ARFGEF1: variants seen among roughly 807,000 people sequenced by gnomAD.
The protein encoded by ARFGEF1 is brefeldin A-inhibited guanine nucleotide-exchange protein 1.
In ARFGEF1, 42 loss-of-function variants were observed where a neutral mutation model predicts 231.0. The observed-to-expected ratio is 0.18, with a 90% confidence interval of 0.14 to 0.24. The LOEUF (loss-of-function observed/expected upper bound fraction) is 0.24, where lower values mean the gene tolerates loss of function less well. Ranked by LOEUF, ARFGEF1 falls within the 10% of genes least tolerant of loss-of-function variation. ARFGEF1 has a pLI of 1.00. For synonymous variants in ARFGEF1, 710 were observed against 732.3 expected (o/e 0.97, Z 0.49); for missense variants, 1,345 against 2,192.0 (o/e 0.61, Z 7.72).
At chr8:67,174,908 A>G, downstream of ARFGEF1, 1 of 167,446 alleles carries the variant, frequency 6.0e-6, no homozygotes, top group Non-Finnish European at 1.3e-5. Context: ...TATATTTTAG[A>G]GATCAGCCGT....
At chr8:67,262,872 A>C (rs1159056298) in intron 14 of ARFGEF1, among the ~76,000 whole-genome samples, 1 of 152,246 alleles carries the variant, frequency 6.6e-6, no homozygotes, top group Non-Finnish European at 1.5e-5. Flanking sequence ...GGTACAGTAT[A>C]AACATAACTT....
At chr8:67,200,211 G>C in intron 38 of ARFGEF1, 185 bp downstream of exon 38, 1 of 656,946 alleles carries the variant, frequency 1.5e-6, no homozygotes. Context: ...AGCTGGGTAA[G>C]GGGGGAGAAA....
intron 19 of ARFGEF1, among the ~76,000 whole-genome samples, chr8:67,249,129 T>A (rs1840194477): frequency 6.7e-6 from 1 of 150,356 alleles, no homozygotes; most frequent in African/African-American, 2.5e-5. Context: ...TAGTTCCTTA[T>A]CTCGTACATG....
At chr8:67,311,798 C>G (rs368852410) in intron 1 of ARFGEF1, among the ~76,000 whole-genome samples, 153 of 152,138 alleles carry the variant, frequency 1.0e-3, no homozygotes, top group Middle Eastern at 6.8e-3. Flanking sequence ...AATAGAAAGG[C>G]GGGAAAGGTG....
intron 28 of ARFGEF1, among the ~76,000 whole-genome samples, chr8:67,225,783 C>T (rs186503959): frequency 6.6e-6 from 1 of 152,146 alleles, no homozygotes; most frequent in African/African-American, 2.4e-5. Flanking sequence ...CCCCATAAAG[C>T]CATTAGAAGA....
At chr8:67,305,521 A>G (rs1472880626) in intron 1 of ARFGEF1, among the ~76,000 whole-genome samples, 2 of 152,024 alleles carry the variant, frequency 1.3e-5, no homozygotes, top group Non-Finnish European at 2.9e-5. Flanking sequence ...TTAATTTTGT[A>G]TTTTTAGTAG....
intron 5 of ARFGEF1, among the ~76,000 whole-genome samples, chr8:67,179,280 A>C (rs146252670): frequency 2.0e-5 from 3 of 152,134 alleles, no homozygotes; most frequent in Non-Finnish European, 4.4e-5. Context: ...ATGCTCCACT[A>C]TATCTGTGCT....
downstream of ARFGEF1, chr8:67,195,276 G>C (rs1837679140): frequency 9.0e-6 from 7 of 774,968 alleles, no homozygotes; most frequent in Non-Finnish European, 1.4e-5. Context: ...ATATGAGACT[G>C]TGGGGAAATG....
intron 29 of ARFGEF1, among the ~76,000 whole-genome samples, chr8:67,222,184 T>TATATATATATATATATATACAC (rs1554636799): frequency 3.2e-4 from 21 of 65,684 alleles, no homozygotes; most frequent in South Asian, 3.1e-3. Flanking sequence ...TATATACACA[T>TATATATATATATATATATACAC]ATATATATAT....
intron 5 of ARFGEF1, among the ~76,000 whole-genome samples, chr8:67,186,973 CTAT>C (rs1171899113): frequency 1.4e-5 from 1 of 70,882 alleles, no homozygotes; most frequent in Non-Finnish European, 3.2e-5. Context: ...TATCTATCAT[CTAT>C]CTATCTATCT....
At chr8:67,288,138 A>G in intron 6 of ARFGEF1, 73 bp from the exon 7 acceptor site, 1 of 882,106 alleles carries the variant, frequency 1.1e-6, no homozygotes, top group South Asian at 2.1e-5. Context: ...ATTTATGATG[A>G]AAAAACTCCT....
chr8:67,214,736 G>T (rs950440097), intron 33 of ARFGEF1, among the ~76,000 whole-genome samples: 4 of 152,084 alleles, frequency 2.6e-5, no homozygotes, highest in African/African-American at 9.7e-5. Flanking sequence ...ACATACAGAA[G>T]ACCCACAAGG....
chr8:67,327,659 T>C (rs1015653885), intron 1 of ARFGEF1, among the ~76,000 whole-genome samples: 1 of 152,360 alleles, frequency 6.6e-6, no homozygotes, highest in Middle Eastern at 3.4e-3. Flanking sequence ...TATTTTATAG[T>C]AGTTCTACCA....
intron 1 of ARFGEF1, among the ~76,000 whole-genome samples, chr8:67,314,961 G>C (rs528433140): frequency 5.3e-5 from 8 of 152,264 alleles, no homozygotes; most frequent in African/African-American, 1.9e-4. Flanking sequence ...GACTCCTTGA[G>C]CAAGCTGTGA....
At chr8:67,318,895 C>T (rs1432090406) in intron 1 of ARFGEF1, among the ~76,000 whole-genome samples, 1 of 152,208 alleles carries the variant, frequency 6.6e-6, no homozygotes, top group Admixed American at 6.5e-5. Context: ...ATCACTTGAG[C>T]TCACAAGGTG....
At chr8:67,313,254 A>G (rs1807153853) in intron 1 of ARFGEF1, among the ~76,000 whole-genome samples, 2 of 152,164 alleles carry the variant, frequency 1.3e-5, no homozygotes, top group African/African-American at 4.8e-5. Flanking sequence ...GATTAGCTTA[A>G]GAATTAACCT....
chr8:67,296,392 T>C (rs1288282181), intron 5 of ARFGEF1, 39 bp downstream of exon 5: 6 of 1,587,586 alleles, frequency 3.8e-6, no homozygotes, highest in African/African-American at 1.3e-5. Context: ...TTAATGCCTG[T>C]TGTGTTCTAT....
intron 6 of ARFGEF1, among the ~76,000 whole-genome samples, chr8:67,290,019 A>G (rs1398883340): frequency 6.6e-6 from 1 of 152,208 alleles, no homozygotes; most frequent in Non-Finnish European, 1.5e-5. Flanking sequence ...ACATGTAGGA[A>G]ATGCTTAGAG....
At chr8:67,273,418 C>A (rs1243167724) in intron 9 of ARFGEF1, among the ~76,000 whole-genome samples, 3 of 105,060 alleles carry the variant, frequency 2.9e-5, no homozygotes, top group Non-Finnish European at 1.8e-5. Context: ...TTTTTTTTTC[C>A]CAAAAAAAAA....
Sources: allele counts gnomAD v4.1 joint callset (sites outside exome capture counted in the v4.1 genomes callset), GRCh38; gene constraint gnomAD v4.1.1; transcripts MANE v1.5; gene names NCBI Gene and HGNC (gene_info 2026-07-23, HGNC 2026-07-21).